The following MSI2 variants were observed in gnomAD, a reference collection of about 807,000 sequenced individuals.
MSI2 encodes the protein musashi RNA binding protein 2.
Under a neutral mutation model 45.6 loss-of-function variants are expected in MSI2, and 17 were observed. The observed-to-expected ratio is 0.37, with a 90% CI of 0.26 to 0.56. The LOEUF (loss-of-function observed/expected upper bound fraction) is 0.56, where lower values mean the gene tolerates loss of function less well. Ranked by LOEUF, MSI2 falls within the 20% of genes least tolerant of loss-of-function variation. The pLI, the probability that MSI2 is intolerant of heterozygous loss-of-function variation, is 0.77. For synonymous variants in MSI2, 156 were observed against 158.2 expected, an observed-to-expected ratio of 0.99 and a Z score of 0.11; for missense variants, 293 against 444.2, an observed-to-expected ratio of 0.66 and a Z score of 3.06.
chr17:57,327,554 T>G (rs1189818790), intron 5 of MSI2, among the ~76,000 whole-genome samples: 1 of 152,242 alleles, frequency 6.6e-6, no homozygotes, highest in African/African-American at 2.4e-5. Flanking sequence ...AGTGTTCTAT[T>G]CAACACGTCT....
the MSI2 span, among the ~76,000 whole-genome samples, chr17:57,691,253 C>T: frequency 6.6e-6 from 1 of 150,456 alleles, no homozygotes; most frequent in East Asian, 1.9e-4. Flanking sequence ...ATTGCCATAC[C>T]ACACTATCTT....
At chr17:57,521,401 T>C (rs2086581292) in intron 6 of MSI2, among the ~76,000 whole-genome samples, 1 of 145,302 alleles carries the variant, frequency 6.9e-6, no homozygotes, top group Admixed American at 6.8e-5. Flanking sequence ...CCTGTGAAAA[T>C]ATTGGTGGTG....
chr17:57,635,103 T>A (rs1369115968), intron 10 of MSI2, among the ~76,000 whole-genome samples: 1 of 152,234 alleles, frequency 6.6e-6, no homozygotes, highest in Admixed American at 6.5e-5. Flanking sequence ...TAGCAATTTC[T>A]GCTACATACC....
chr17:57,389,300 TG>T (rs756073317), intron 5 of MSI2, among the ~76,000 whole-genome samples: 29 of 152,216 alleles, frequency 1.9e-4, no homozygotes, highest in Non-Finnish European at 3.7e-4. Flanking sequence ...TTTTAATAGC[TG>T]GATTGAAAAG....
intron 7 of MSI2, among the ~76,000 whole-genome samples, chr17:57,568,272 A>G (rs986967094): frequency 1.3e-5 from 2 of 152,138 alleles, no homozygotes; most frequent in East Asian, 1.9e-4. Flanking sequence ...ATATTTAACC[A>G]TATTTCCACT....
intron 11 of MSI2, among the ~76,000 whole-genome samples, chr17:57,663,351 T>C (rs1037303506): frequency 3.3e-5 from 5 of 152,248 alleles, no homozygotes; most frequent in African/African-American, 9.6e-5. Context: ...TGGTTACTTA[T>C]TAATATTAAT....
chr17:57,487,122 G>C (rs1567853026), intron 6 of MSI2, among the ~76,000 whole-genome samples: 1 of 152,250 alleles, frequency 6.6e-6, no homozygotes, highest in African/African-American at 2.4e-5. Flanking sequence ...GAAGTGGGAA[G>C]TGCAGGGGAC....
chr17:57,398,553 G>A (rs748138712), intron 5 of MSI2, among the ~76,000 whole-genome samples: 5 of 152,198 alleles, frequency 3.3e-5, no homozygotes, highest in Non-Finnish European at 5.9e-5. Context: ...TCAAAGACAC[G>A]TTTTTGTGTA....
At chr17:57,352,175 G>A (rs752569687) in intron 5 of MSI2, among the ~76,000 whole-genome samples, 4 of 152,154 alleles carry the variant, frequency 2.6e-5, no homozygotes, top group Admixed American at 1.3e-4. Context: ...TATATGTCAC[G>A]TAAATGAATC....
At chr17:57,497,478 C>T (rs554174690) in intron 6 of MSI2, among the ~76,000 whole-genome samples, 1 of 152,174 alleles carries the variant, frequency 6.6e-6, no homozygotes, top group Non-Finnish European at 1.5e-5. Context: ...TCCAGCAGTG[C>T]TGGGGAGCTG....
intron 6 of MSI2, among the ~76,000 whole-genome samples, chr17:57,468,571 A>G (rs1299616895): frequency 6.6e-6 from 1 of 151,184 alleles, no homozygotes; most frequent in East Asian, 1.9e-4. Flanking sequence ...ACTCAAACGC[A>G]ATACATGTAG....
intron 6 of MSI2, among the ~76,000 whole-genome samples, chr17:57,477,373 C>T (rs17821697): frequency 0.023 from 3,502 of 152,230 alleles, 63 homozygotes; most frequent in South Asian, 0.06. Context: ...ATGAGCCTGG[C>T]TGCTCGAAAC....
intron 5 of MSI2, chr17:57,264,251 C>T (rs911606640): frequency 2.6e-5 from 4 of 152,078 alleles, no homozygotes; most frequent in Non-Finnish European, 5.9e-5. Context: ...GTTTAACTTC[C>T]TTGAACCTTC....
the MSI2 span, among the ~76,000 whole-genome samples, chr17:57,697,315 ACT>A: frequency 6.6e-6 from 1 of 150,852 alleles, no homozygotes; most frequent in Non-Finnish European, 1.5e-5. Context: ...ACCCACTCAC[ACT>A]CACTTTACTC....
At position 57,432,771 on chromosome 17, in the gene MSI2, C is replaced by T. The variant is rs891541236; in HGVS notation, c.405+31300C>T. Among the ~76,000 whole-genome samples the T allele has an allele frequency of 5.3e-5, 8 of 152,186 alleles. 1 individual carries two copies. Among genetic ancestry groups the T allele is most frequent in the African/African-American group, 1.7e-4 (7 of 41,442 alleles). On this transcript the variant is annotated intron_variant, in intron 6 of 13. Coordinates refer to ENST00000284073, the MANE Select transcript of MSI2 (RefSeq NM_138962.4). ...AAGAATGGCGTTTCTGACAGCTCTT[C>T]CTGACTCACTCGTTGAGACCGATGC...
intron 10 of MSI2, chr17:57,632,043 C>A: frequency 7.5e-7 from 1 of 1,340,992 alleles, no homozygotes; most frequent in Non-Finnish European, 9.5e-7. Context: ...CTCCAGTCCC[C>A]TCCCACTTTG....
At chr17:57,259,448 A>G (rs991180095) in intron 4 of MSI2, among the ~76,000 whole-genome samples, 2 of 152,208 alleles carry the variant, frequency 1.3e-5, no homozygotes, top group African/African-American at 4.8e-5. Flanking sequence ...TTAACATTGA[A>G]TGGAAGAGAA....
chr17:57,465,438 C>G (rs529952920), intron 6 of MSI2, among the ~76,000 whole-genome samples: 1 of 152,182 alleles, frequency 6.6e-6, no homozygotes, highest in Non-Finnish European at 1.5e-5. Flanking sequence ...AGATCCCTGC[C>G]TGGGTTTTTT....
chr17:57,263,584 C>T (rs1164109595), intron 5 of MSI2: 1 of 152,190 alleles, frequency 6.6e-6, no homozygotes, highest in Non-Finnish European at 1.5e-5. Flanking sequence ...GTCATTTGAT[C>T]ACTCAGAGCT....
Sources: allele counts gnomAD v4.1 joint callset (sites outside exome capture counted in the v4.1 genomes callset), GRCh38; gene constraint gnomAD v4.1.1; transcripts MANE v1.5; gene names NCBI Gene and HGNC (gene_info 2026-07-23, HGNC 2026-07-21).